The following SYCE1L variants were observed in gnomAD, a reference collection of about 807,000 sequenced individuals.
SYCE1L encodes synaptonemal complex central element protein 1 like, also known as synaptonemal complex central element protein 1-like.
A neutral mutation model predicts 39.6 loss-of-function variants in SYCE1L; 51 were observed. The ratio of observed to expected loss-of-function variants is 1.29; its 90% CI spans 1.03 to 1.63. The LOEUF is 1.63. SYCE1L is among the 40% of genes most tolerant of loss of function. The probability of loss-of-function intolerance (pLI) is 0.00; values close to 1 mark genes in which losing one functional copy is unlikely to be tolerated. For synonymous variants in SYCE1L, 147 were observed against 122.4 expected (o/e 1.20, Z -1.33); for missense variants, 426 against 304.9 (o/e 1.40, Z -2.96).
At chr16:77,210,936 A>G (rs1485175638) in intron 6 of SYCE1L, among the ~76,000 whole-genome samples, 2 of 152,208 alleles carry the variant, frequency 1.3e-5, no homozygotes, top group Non-Finnish European at 2.9e-5. Context: ...ATTTTTGCCC[A>G]TAATTCTCAG....
chr16:77,211,075 A>T (rs1034408180), intron 6 of SYCE1L, 138 bp from the exon 7 acceptor site: 1 of 897,392 alleles, frequency 1.1e-6, no homozygotes, highest in Non-Finnish European at 1.7e-6. Context: ...ACGGGAACCA[A>T]AGCTTAGAGG....
intron 1 of SYCE1L, chr16:77,200,291 T>TACACATACAC (rs2054724506): frequency 9.0e-6 from 1 of 111,430 alleles, no homozygotes; most frequent in African/African-American, 3.4e-5. Flanking sequence ...TATATATATA[T>TACACATACAC]ACACACACTA....
At chr16:77,200,323 G>A (rs1334917698) in intron 1 of SYCE1L, 3 of 128,656 alleles carry the variant, frequency 2.3e-5, no homozygotes, top group Non-Finnish European at 3.3e-5. Flanking sequence ...GCGGTGGTGT[G>A]GGCCTGTAAT....
chr16:77,211,351 C>T lies in SYCE1L; in HGVS notation c.423+75C>T, dbSNP rs1216913878. 6 of 1,507,802 alleles carry T rather than the reference C, an allele frequency of 4.0e-6. No individual in the cohort carries two copies. In the African/African-American group the frequency reaches 4.2e-5, roughly 10 times the overall value. 93.4% of individuals were successfully genotyped at this position (1,507,802 alleles called of 1,614,324 possible). A position where few individuals can be genotyped will look rare whatever the true frequency, so the allele number is the denominator to read the frequency against. On this transcript the variant is annotated intron_variant, in intron 7 of 10. Coordinates refer to ENST00000378644, the MANE Select transcript of SYCE1L (RefSeq NM_001129979.3). ...GTGTCGCACTGACTGGCCCAGAGTC[C>T]ACCCCTGCCCAGGCTCAATGCCGCG...
At chr16:77,204,861 A>C (rs916139791) in intron 1 of SYCE1L, among the ~76,000 whole-genome samples, 13 of 152,066 alleles carry the variant, frequency 8.5e-5, no homozygotes, top group South Asian at 6.2e-4. Flanking sequence ...CCTGGGGAAC[A>C]CAGTAAAACC....
intron 6 of SYCE1L, among the ~76,000 whole-genome samples, chr16:77,210,065 C>T (rs998955480): frequency 1.3e-5 from 2 of 152,164 alleles, no homozygotes; most frequent in East Asian, 3.9e-4. Context: ...TATTCCTCTA[C>T]TCATCATTTC....
At chr16:77,211,855 G>A (rs750658553) in intron 7 of SYCE1L, among the ~76,000 whole-genome samples, 2 of 152,154 alleles carry the variant, frequency 1.3e-5, no homozygotes, top group Non-Finnish European at 2.9e-5. Flanking sequence ...GCTGGACGGT[G>A]CCTGAAACCG....
intron 1 of SYCE1L, among the ~76,000 whole-genome samples, chr16:77,205,433 A>AATATATATATATATATATATATGTAT (rs145238524): frequency 9.2e-4 from 133 of 145,288 alleles, no homozygotes; most frequent in African/African-American, 2.8e-3. Flanking sequence ...CATAGAAGTA[A>AATATATATATATATATATATATGTAT]ATATATATAT....
intron 4 of SYCE1L, 94 bp from the exon 5 acceptor site, chr16:77,209,003 A>C (rs2054805114): frequency 3.7e-6 from 5 of 1,363,534 alleles, no homozygotes; most frequent in Non-Finnish European, 5.1e-6. Context: ...CTAGGGCTGT[A>C]CTACACCTTC....
At chr16:77,199,634 T>G (rs1040616072) in intron 1 of SYCE1L, 122 bp downstream of exon 1, 12 of 879,580 alleles carry the variant, frequency 1.4e-5, no homozygotes, top group Non-Finnish European at 2.1e-5. Flanking sequence ...ATGTTAAGCC[T>G]TTTGTTATTG....
intron 1 of SYCE1L, chr16:77,202,042 G>C (rs2054748903): frequency 6.6e-6 from 1 of 152,036 alleles, no homozygotes; most frequent in Admixed American, 6.6e-5. Context: ...GCATTTTTGT[G>C]ATTTATTGTT....
intron 4 of SYCE1L, 40 bp downstream of exon 4, chr16:77,208,579 TG>T (rs2054802034): frequency 6.5e-7 from 1 of 1,544,524 alleles, no homozygotes; most frequent in Non-Finnish European, 8.8e-7. Context: ...ACACTGCAGA[TG>T]TTCCTGTGCA....
intron 6 of SYCE1L, 125 bp from the exon 7 acceptor site, chr16:77,211,087 TA>T: frequency 9.8e-7 from 1 of 1,022,754 alleles, no homozygotes; most frequent in Non-Finnish European, 1.5e-6. Context: ...GCTTAGAGGA[TA>T]AAACCCATGA....
intron 8 of SYCE1L, 24 bp downstream of exon 8, chr16:77,212,223 CG>C (rs961063827): frequency 7.9e-5 from 121 of 1,540,850 alleles, no homozygotes; most frequent in Non-Finnish European, 1.0e-4. Flanking sequence ...GCCAGGTGGG[CG>C]GGGGGAGGGG....
At position 77,208,536 on chromosome 16, in the gene SYCE1L, T is replaced by G; in HGVS notation, c.253T>G (p.Ser85Ala). 6.4e-7 allele frequency: 1 copy of G among 1,551,660 alleles called. No individual in the cohort carries two copies. The highest frequency in any genetic ancestry group is 1.2e-5 in the South Asian group (1 of 84,062). The change falls in exon 4 of 11, where the codon TCC becomes GCC. Residue 85 changes from serine to alanine, a missense_variant. Ser to Ala is a moderately conservative substitution (Grantham distance 99). Coordinates refer to ENST00000378644, the MANE Select transcript of SYCE1L (RefSeq NM_001129979.3). ...GGAGGCCCTGCATAGGGAATTAGAC[T>G]CCTGTAAGTGGGGCCAAAAGAGGGA... Reference protein sequence around the residue: ...LWEALHRELDSLNGEKVHLEE... With the variant: ...LWEALHRELDALNGEKVHLEE...
intron 1 of SYCE1L, among the ~76,000 whole-genome samples, chr16:77,205,163 T>C (rs1005506351): frequency 6.6e-6 from 1 of 151,544 alleles, no homozygotes; most frequent in Admixed American, 6.6e-5. Flanking sequence ...AGGAGGAGAA[T>C]TGGAGAACTT....
At position 77,212,139 on chromosome 16, in the gene SYCE1L, C is replaced by G. The variant is rs968605546; in HGVS notation, c.433C>G (p.Gln145Glu). 1.9e-6 allele frequency: 3 copies of G among 1,548,492 alleles called. No individual in the cohort carries two copies. In the South Asian group the frequency reaches 3.6e-5, roughly 18 times the overall value. Residue 145 changes from glutamine (Q) to glutamate (E), a missense_variant, in exon 8 of 11, where the codon CAG (glutamine) becomes GAG (glutamate). Coordinates refer to ENST00000378644, the MANE Select transcript of SYCE1L (RefSeq NM_001129979.3). ...KDLWEFHMLEQRLAREIRALE... is the reference protein window; with the variant it reads ...KDLWEFHMLEERLAREIRALE... ...CTCTTTGTCCTCGCAGATGCTGGAG[C>G]AGCGACTGGCCCGGGAGATCCGTGC...
Position 77,212,634 on chromosome 16 carries a change from C to CG in SYCE1L, c.644dup (p.Glu216ArgfsTer7). 6.5e-7 allele frequency: 1 copy of CG among 1,533,818 alleles called. No individual in the cohort carries two copies. Among genetic ancestry groups the CG allele is most frequent in the Non-Finnish European group, 8.7e-7 (1 of 1,145,720 alleles). ...TCCGGAGCGCCCCCGAGGTCGGGGC[C>CG]GGCGAGGGAGAGGTAGGGAGCCCGA... is the stretch of plus-strand genomic sequence containing the variant. On this transcript the variant is annotated frameshift_variant, in exon 10 of 11. Transcript: ENST00000378644. LOFTEE classifies it low-confidence loss of function (END_TRUNC).
chr16:77,212,778 C>T, intron 10 of SYCE1L, 79 bp from the exon 11 acceptor site: 1 of 1,417,902 alleles, frequency 7.1e-7, no homozygotes. Flanking sequence ...GAGGAAGCCG[C>T]GGTGGAGGCC....
Sources: allele counts gnomAD v4.1 joint callset (sites outside exome capture counted in the v4.1 genomes callset), GRCh38; gene constraint gnomAD v4.1.1; transcripts MANE v1.5; gene names NCBI Gene and HGNC (gene_info 2026-07-23, HGNC 2026-07-21).